Variants in GRHL1 observed in about 807,000 individuals in gnomAD.
GRHL1 encodes grainyhead-like protein 1 homolog.
In GRHL1, 38 loss-of-function variants were observed where a neutral mutation model predicts 75.7. The observed-to-expected ratio is 0.50, with a 90% confidence interval of 0.39 to 0.66. GRHL1 has a LOEUF of 0.66. Ranked by LOEUF, GRHL1 falls within the 30% of genes least tolerant of loss-of-function variation. The pLI, the probability that GRHL1 is intolerant of heterozygous loss-of-function variation, is 0.00. For missense variants in GRHL1, 589 were observed against 767.5 expected, an observed-to-expected ratio of 0.77 and a Z score of 2.75; for synonymous variants, 266 against 279.4, an observed-to-expected ratio of 0.95 and a Z score of 0.48.
chr2:9,955,010 A>G lies in GRHL1; in HGVS notation c.116A>G (p.Asn39Ser). The G allele has an allele frequency of 2.5e-6, 4 of 1,613,406 alleles. No homozygotes were observed. Among genetic ancestry groups the G allele is most frequent in the Non-Finnish European group, 3.4e-6 (4 of 1,179,406 alleles). ...EDEAWKSFLE[N>S]PLTAATKAMM... ...GAGGCCTGGAAATCCTTCCTGGAAAACCCTCTCACTGCAGCGACCAAAGCG... is the reference window on the plus strand; with the variant it reads ...GAGGCCTGGAAATCCTTCCTGGAAAGCCCTCTCACTGCAGCGACCAAAGCG... Residue 39 changes from asparagine (N) to serine (S), a missense_variant, in exon 2 of 16, where the codon AAC becomes AGC. Asn to Ser is a conservative substitution (Grantham distance 46, BLOSUM62 1). Transcript: ENST00000324907.
At chr2:9,959,097 A>G (rs935382524) in intron 3 of GRHL1, 3 of 355,742 alleles carry the variant, frequency 8.4e-6, no homozygotes, top group East Asian at 4.8e-5. Context: ...TCCTCCTCCA[A>G]AGGGATAGTT....
chr2:9,977,035 CTT>C (rs1346829998), intron 8 of GRHL1, among the ~76,000 whole-genome samples: 1 of 152,204 alleles, frequency 6.6e-6, no homozygotes, highest in Non-Finnish European at 1.5e-5. Context: ...CAATCTGTCT[CTT>C]TTTCATTTCA....
chr2:9,975,014 T>C (rs1293376963), intron 8 of GRHL1, among the ~76,000 whole-genome samples: 1 of 152,230 alleles, frequency 6.6e-6, no homozygotes, highest in Non-Finnish European at 1.5e-5. Flanking sequence ...AGATGTTTGA[T>C]TGGGTCGTAT....
chr2:9,980,560 A>G (rs1668155684), intron 8 of GRHL1, among the ~76,000 whole-genome samples: 1 of 152,174 alleles, frequency 6.6e-6, no homozygotes, highest in Non-Finnish European at 1.5e-5. Context: ...TCAGCAGTTT[A>G]TGTTTGTGGT....
intron 8 of GRHL1, chr2:9,965,642 ACTC>A (rs1667461267): frequency 4.6e-6 from 2 of 433,652 alleles, no homozygotes; most frequent in Non-Finnish European, 4.1e-6. Context: ...CTTGAGTCTG[ACTC>A]CTCATTTGCT....
chr2:9,970,082 A>T (rs2125219100), intron 8 of GRHL1, among the ~76,000 whole-genome samples: 1 of 152,214 alleles, frequency 6.6e-6, no homozygotes, highest in Admixed American at 6.5e-5. Context: ...TGACCTCGTG[A>T]TCCACCTGCC....
rs77607642 is a variant in GRHL1 at position 10,000,586 on chromosome 2, C to T, written c.1743-7C>T. 2,190 of 1,571,588 alleles carry T rather than the reference C, an allele frequency of 1.4e-3. 29 individuals are homozygous for T. The African/African-American group carries it at 0.027, about 19-fold the overall frequency. On this transcript the variant is annotated splice_polypyrimidine_tract_variant and splice_region_variant and intron_variant, in intron 15 of 15. Transcript: ENST00000324907. ...GAAGTTGGTTGGTCTTGTCCCCCCC[C>T]ATCCAGGATCCTGGTGAACATGGAC... is the stretch of plus-strand genomic sequence containing the variant.
chr2:9,974,675 A>G (rs1441870992), intron 8 of GRHL1, among the ~76,000 whole-genome samples: 2 of 152,220 alleles, frequency 1.3e-5, no homozygotes, highest in South Asian at 2.1e-4. Flanking sequence ...ACTGTTTTCT[A>G]ACATCCAGGA....
intron 5 of GRHL1, among the ~76,000 whole-genome samples, chr2:9,963,635 C>T (rs1209146008): frequency 1.3e-5 from 2 of 152,154 alleles, no homozygotes; most frequent in Non-Finnish European, 2.9e-5. Context: ...TCCTTTCCAC[C>T]TATCAGTATC....
intron 8 of GRHL1, among the ~76,000 whole-genome samples, chr2:9,970,265 T>C (rs1408514308): frequency 1.3e-5 from 2 of 152,374 alleles, no homozygotes; most frequent in South Asian, 4.1e-4. Flanking sequence ...ATTCACACAT[T>C]TAATTTTAAA....
At chr2:9,955,417 G>A (rs1666972030) in intron 2 of GRHL1, among the ~76,000 whole-genome samples, 1 of 152,198 alleles carries the variant, frequency 6.6e-6, no homozygotes, top group East Asian at 1.9e-4. Context: ...TTAGTGCCAT[G>A]GAAAGTGGGC....
In GRHL1 at chr2:10,000,692, C is replaced by T; in HGVS notation, c.1842C>T (p.Thr614=). The T allele has an allele frequency of 6.3e-7, 1 of 1,596,508 alleles. No individual in the cohort carries two copies. Among genetic ancestry groups the T allele is most frequent in the East Asian group, 2.2e-5 (1 of 44,778 alleles). ...IEEAGGSYKL[T]LTEI is the part of the protein sequence containing the mutation. ...AAGCCGGGGGGTCTTACAAGCTCAC[C>T]CTGACGGAGATCTAAAGGCCTGCGG... The change falls in exon 16 of 16, where the codon ACC becomes ACT. Residue 614 remains threonine (T), a synonymous_variant. Transcript: ENST00000324907.
In GRHL1 at chr2:9,967,299, G is replaced by A. The variant is rs146256874; in HGVS notation, c.1110+1918G>A. Among the ~76,000 whole-genome samples, 361 of 152,368 alleles carry A rather than the reference G, an allele frequency of 2.4e-3. 4 individuals are homozygous for A. The Middle Eastern group carries it at 0.055, about 23-fold the overall frequency. On this transcript the variant is annotated intron_variant, in intron 8 of 15. Coordinates refer to ENST00000324907, the MANE Select transcript of GRHL1 (RefSeq NM_198182.3). ...TTGGGTGTGGTCAGGATTAATAAGCGCTTGTCATAGGCTTGGAGATCTTGG... is the reference window on the plus strand; with the variant it reads ...TTGGGTGTGGTCAGGATTAATAAGCACTTGTCATAGGCTTGGAGATCTTGG...
In GRHL1 at chr2:9,987,748, C is replaced by T. The variant is rs549641784; in HGVS notation, c.1269+1466C>T. ...CAATGCAGGGAGAGTCTGGAAGGTG[C>T]GTCGAGTCTTGAGGGGAAAGTTTGT... On this transcript the variant is annotated intron_variant, in intron 9 of 15. Coordinates refer to ENST00000324907, the MANE Select transcript of GRHL1 (RefSeq NM_198182.3). This position sits in a 1 kb window ranked among gnomAD's most constrained non-coding sequence, Gnocchi z 4.2. 6.6e-6 allele frequency among the ~76,000 whole-genome samples: 1 copy of T among 152,232 alleles called. No individual in the cohort carries two copies. Among genetic ancestry groups the T allele is most frequent in the Non-Finnish European group, 1.5e-5 (1 of 68,022 alleles).
chr2:9,990,623 G>A lies in GRHL1; in HGVS notation c.1270-73G>A. 1 of 871,838 alleles carries A rather than the reference G, an allele frequency of 1.1e-6. No individual in the cohort carries two copies. Among genetic ancestry groups the A allele is most frequent in the South Asian group, 1.9e-5 (1 of 53,292 alleles). 54.0% of individuals were successfully genotyped at this position (871,838 alleles called of 1,614,324 possible). On this transcript the variant is annotated intron_variant, in intron 9 of 15. Transcript: ENST00000324907. The surrounding 1 kb of genome is among the most constrained non-coding windows in gnomAD (Gnocchi z 4.2). ...GGGAGAAAGGCTTCTTCTTCCATTG[G>A]TCAGGATAAGAGTTAAATATTTTAA...
chr2:9,969,212 CAG>C (rs1667611210), intron 8 of GRHL1, among the ~76,000 whole-genome samples: 1 of 152,140 alleles, frequency 6.6e-6, no homozygotes, highest in Non-Finnish European at 1.5e-5. Flanking sequence ...CTAAAATAAA[CAG>C]AGGAAAAAGA....
rs1015942005 is a variant in GRHL1 at position 9,976,304 on chromosome 2, G to A, written c.1111-9820G>A. Among the ~76,000 whole-genome samples, 6 of 152,160 alleles carry A rather than the reference G, an allele frequency of 3.9e-5. No homozygotes were observed. In the South Asian group the frequency reaches 8.3e-4, roughly 21 times the overall value. On this transcript the variant is annotated intron_variant, in intron 8 of 15. Coordinates refer to ENST00000324907, the MANE Select transcript of GRHL1 (RefSeq NM_198182.3). ...TCACACTTCTCAAGTGACCCTCGGC[G>A]GGGGTGGTGGTGGGGGTTCCTAAAG... is the stretch of plus-strand genomic sequence containing the variant.
intron 2 of GRHL1, 84 bp downstream of exon 2, chr2:9,955,185 GA>G: frequency 1.1e-6 from 1 of 880,016 alleles, no homozygotes; most frequent in South Asian, 1.7e-5. Flanking sequence ...TTTGCTGGTA[GA>G]ATGCCATGCA....
At chr2:9,991,551 G>A (rs1448297406) in intron 10 of GRHL1, among the ~76,000 whole-genome samples, 1 of 152,168 alleles carries the variant, frequency 6.6e-6, no homozygotes, top group Non-Finnish European at 1.5e-5. Context: ...AAAATTGGAT[G>A]GGCATGCTTA....
Sources: allele counts gnomAD v4.1 joint callset (sites outside exome capture counted in the v4.1 genomes callset), GRCh38; gene constraint gnomAD v4.1.1; non-coding constraint Gnocchi (gnomAD v3.1); transcripts MANE v1.5; gene names NCBI Gene and HGNC (gene_info 2026-07-23, HGNC 2026-07-21).